Variants in ZBTB7C observed in about 807,000 individuals in gnomAD.
ZBTB7C encodes zinc finger and BTB domain containing 7C, also known as zinc finger and BTB domain-containing protein 7C.
Under a neutral mutation model 25.7 loss-of-function variants are expected in ZBTB7C, and 8 were observed. The observed-to-expected ratio is 0.31, with a 90% confidence interval of 0.18 to 0.56. ZBTB7C has a LOEUF of 0.56. ZBTB7C is among the 20% of genes least tolerant of loss of function. ZBTB7C has a pLI of 0.91. For synonymous variants in ZBTB7C, 394 were observed against 369.0 expected, an observed-to-expected ratio of 1.07 and a Z score of -0.78; for missense variants, 824 against 855.2, an observed-to-expected ratio of 0.96 and a Z score of 0.46.
At chr18:48,122,091 C>T (rs1404214524) in intron 3 of ZBTB7C, among the ~76,000 whole-genome samples, 1 of 152,184 alleles carries the variant, frequency 6.6e-6, no homozygotes, top group Non-Finnish European at 1.5e-5. Context: ...TTGGAGCCAT[C>T]TAGATCGGGC....
At chr18:48,333,421 T>C (rs2046385685) in intron 2 of ZBTB7C, among the ~76,000 whole-genome samples, 1 of 152,218 alleles carries the variant, frequency 6.6e-6, no homozygotes, top group Non-Finnish European at 1.5e-5. Flanking sequence ...TTAGAGCGCA[T>C]GTACACCTGG....
chr18:48,205,998 G>A (rs918755925), intron 2 of ZBTB7C, among the ~76,000 whole-genome samples: 8 of 152,172 alleles, frequency 5.3e-5, no homozygotes, highest in Admixed American at 2.0e-4. Flanking sequence ...ATTGCCAGTG[G>A]GCCCAAAGGA....
intron 3 of ZBTB7C, among the ~76,000 whole-genome samples, chr18:48,131,964 T>TA (rs914100301): frequency 3.9e-5 from 6 of 152,136 alleles, no homozygotes; most frequent in African/African-American, 9.7e-5. Flanking sequence ...ACAGCCACTG[T>TA]AAAAAAACAT....
intron 2 of ZBTB7C, among the ~76,000 whole-genome samples, chr18:48,245,280 G>A (rs534138133): frequency 6.6e-6 from 1 of 151,564 alleles, no homozygotes; most frequent in South Asian, 2.1e-4. Flanking sequence ...CTATGAGGAT[G>A]CAAAGGCATA....
At chr18:48,409,502 G>GCCCCGCGC (rs1461199634), upstream of ZBTB7C, 13 of 146,464 alleles carry the variant, frequency 8.9e-5, no homozygotes, top group African/African-American at 3.2e-4. Context: ...CGCGCCCCGC[G>GCCCCGCGC]CCCGCGCCGC....
chr18:48,097,385 A>G (rs12962800), intron 3 of ZBTB7C, among the ~76,000 whole-genome samples: 74 of 37,524 alleles, frequency 2.0e-3, no homozygotes, highest in South Asian at 7.2e-3. Context: ...TGTTGTTGTT[A>G]TTATTATTAT....
intron 1 of ZBTB7C, among the ~76,000 whole-genome samples, chr18:48,369,682 ATC>A (rs2047340884): frequency 6.6e-6 from 1 of 152,184 alleles, no homozygotes; most frequent in East Asian, 1.9e-4. Context: ...AAAATGGTCA[ATC>A]CACCAGAATA....
chr18:48,244,887 G>A (rs544509734), intron 2 of ZBTB7C, among the ~76,000 whole-genome samples: 2 of 152,078 alleles, frequency 1.3e-5, no homozygotes, highest in East Asian at 1.9e-4. Context: ...ACAGTGTGGA[G>A]ATTCCTTAAA....
At chr18:48,281,679 A>T (rs1323075981) in intron 2 of ZBTB7C, among the ~76,000 whole-genome samples, 1 of 152,206 alleles carries the variant, frequency 6.6e-6, no homozygotes, top group Non-Finnish European at 1.5e-5. Flanking sequence ...TCAAAAGAAG[A>T]CATTTATGCA....
intron 3 of ZBTB7C, among the ~76,000 whole-genome samples, chr18:48,062,205 G>A (rs1456709838): frequency 6.6e-6 from 1 of 152,136 alleles, no homozygotes; most frequent in East Asian, 1.9e-4. Flanking sequence ...ACATAACAAA[G>A]ACAGCCATTG....
At chr18:48,381,431 T>C (rs2047631830) in intron 1 of ZBTB7C, among the ~76,000 whole-genome samples, 1 of 152,168 alleles carries the variant, frequency 6.6e-6, no homozygotes, top group African/African-American at 2.4e-5. Context: ...GTTGAAGTAG[T>C]AATAAGTACA....
rs2035606815 is a variant in ZBTB7C, at chr18:48,028,875, A to C, written c.*385T>G. 8.6e-6 allele frequency: 2 copies of C among 233,100 alleles called. No homozygotes were observed. Among genetic ancestry groups the C allele is most frequent in the Non-Finnish European group, 1.6e-5 (2 of 122,648 alleles). 14.4% of individuals were successfully genotyped at this position (233,100 alleles called of 1,614,324 possible). On this transcript the variant is annotated 3_prime_UTR_variant, in exon 5 of 5. Transcript: ENST00000590800. The stretch of plus-strand genomic sequence containing the variant: ...TGGGGCTTAACCAAGGTGCATGCCC[A>C]GCCCCTACCTCCTCCTGCTGTGGCT...
intron 1 of ZBTB7C, among the ~76,000 whole-genome samples, chr18:48,400,456 C>T (rs1277190585): frequency 6.6e-6 from 1 of 152,220 alleles, no homozygotes; most frequent in Admixed American, 6.5e-5. Flanking sequence ...ATATGCCTAT[C>T]AGTGGGCCAG....
At chr18:48,075,298 G>A (rs1244678488) in intron 3 of ZBTB7C, among the ~76,000 whole-genome samples, 3 of 152,230 alleles carry the variant, frequency 2.0e-5, no homozygotes, top group Admixed American at 1.3e-4. Flanking sequence ...CTATGGGAGA[G>A]AAAGGACACA....
intron 3 of ZBTB7C, among the ~76,000 whole-genome samples, chr18:48,085,497 TGC>T (rs2038159589): frequency 6.6e-6 from 1 of 152,180 alleles, no homozygotes; most frequent in Admixed American, 6.5e-5. Context: ...ATCCCTGCTC[TGC>T]TATTCATTAG....
chr18:48,193,633 A>G (rs2042251059), intron 2 of ZBTB7C, among the ~76,000 whole-genome samples: 1 of 152,160 alleles, frequency 6.6e-6, no homozygotes, highest in Non-Finnish European at 1.5e-5. Flanking sequence ...TATCTCAGAG[A>G]TGACTCCCCT....
chr18:48,029,599 C>A lies in ZBTB7C; in HGVS notation c.1521G>T (p.Met507Ile). ...CGCCCACCTCGCCCAGCGCAGGGGG[C>A]ATCACGAAGGCCGCCTTGTCGGGGG... Reference protein sequence around the residue: ...GPAPDKAAFVMPPALGEVGGH... With the variant: ...GPAPDKAAFVIPPALGEVGGH... The change falls in exon 5 of 5, where the codon ATG becomes ATT. Residue 507 changes from methionine (M) to isoleucine (I), a missense_variant. By Grantham distance (10) the Met-to-Ile change is conservative. Transcript: ENST00000590800. 6.7e-7 allele frequency: 1 copy of A among 1,488,650 alleles called. No homozygotes were observed. 92.2% of individuals were successfully genotyped at this position (1,488,650 alleles called of 1,614,324 possible). A position where few individuals can be genotyped will look rare whatever the true frequency, so the allele number is the denominator to read the frequency against.
intron 2 of ZBTB7C, among the ~76,000 whole-genome samples, chr18:48,190,461 G>A (rs1188611816): frequency 1.3e-5 from 2 of 152,154 alleles, no homozygotes; most frequent in Non-Finnish European, 2.9e-5. Context: ...ACAAGATGAC[G>A]GAGGCACAGA....
intron 2 of ZBTB7C, among the ~76,000 whole-genome samples, chr18:48,270,253 C>CTTTTTTTTTTTTTTT (rs760096959): frequency 5.1e-5 from 5 of 98,754 alleles, no homozygotes; most frequent in Admixed American, 1.1e-4. Context: ...TTCTCTCTTT[C>CTTTTTTTTTTTTTTT]TTTTTTTTTT....
Sources: allele counts gnomAD v4.1 joint callset (sites outside exome capture counted in the v4.1 genomes callset), GRCh38; gene constraint gnomAD v4.1.1; transcripts MANE v1.5; gene names NCBI Gene and HGNC (gene_info 2026-07-23, HGNC 2026-07-21).